The following VDR variants were observed in gnomAD, a reference collection of about 807,000 sequenced individuals.
VDR encodes the protein vitamin D3 receptor.
A neutral mutation model predicts 39.7 loss-of-function variants in VDR; 19 were observed. That is an observed-to-expected ratio of 0.48 (90% CI 0.33 to 0.70). The LOEUF is 0.70. Among genes scored for constraint, VDR ranks in the 30% least tolerant of loss-of-function variants. The pLI is 0.02. For missense variants in VDR, 442 were observed against 570.5 expected, an observed-to-expected ratio of 0.77 and a Z score of 2.29; for synonymous variants, 242 against 215.8, an observed-to-expected ratio of 1.12 and a Z score of -1.07.
chr12:47,848,321 G>A (rs977818276), intron 7 of VDR, among the ~76,000 whole-genome samples: 4 of 151,932 alleles, frequency 2.6e-5, no homozygotes, highest in African/African-American at 9.7e-5. Context: ...GTGAGCCACT[G>A]CACCCAGCCA....
At chr12:47,882,623 G>GGCCCCCCCCCCCCCC in intron 2 of VDR, 71 bp downstream of exon 2, 2 of 543,282 alleles carry the variant, frequency 3.7e-6, no homozygotes, top group Non-Finnish European at 6.5e-6. Flanking sequence ...ACCTTCTTAT[G>GGCCCCCCCCCCCCCC]CCCCTCCCCC....
chr12:47,899,898 T>C, intron 1 of VDR: 1 of 985,248 alleles, frequency 1.0e-6, no homozygotes, highest in Non-Finnish European at 1.2e-6. Context: ...GGGCCTGGCA[T>C]GAGGCTATCA....
At chr12:47,871,096 G>T (rs1250573419) in intron 3 of VDR, among the ~76,000 whole-genome samples, 2 of 151,894 alleles carry the variant, frequency 1.3e-5, no homozygotes, top group African/African-American at 4.8e-5. Flanking sequence ...TTTTTGGAGG[G>T]CAATTGGCAA....
At chr12:47,896,733 A>T (rs2137245097) in intron 1 of VDR, 1 of 152,302 alleles carries the variant, frequency 6.6e-6, no homozygotes, top group South Asian at 2.1e-4. Context: ...GGAGTTCATT[A>T]TAATGGAATT....
chr12:47,875,124 C>T (rs766984455), intron 3 of VDR, among the ~76,000 whole-genome samples: 9 of 152,208 alleles, frequency 5.9e-5, no homozygotes, highest in Non-Finnish European at 1.0e-4. Context: ...GATCATAGAT[C>T]AATAGAACTG....
intron 1 of VDR, among the ~76,000 whole-genome samples, chr12:47,899,267 T>C (rs1853198962): frequency 6.6e-6 from 1 of 152,196 alleles, no homozygotes; most frequent in African/African-American, 2.4e-5. Flanking sequence ...GAGTCTCTTT[T>C]TTCCCCACTG....
intron 4 of VDR, among the ~76,000 whole-genome samples, chr12:47,863,260 C>T (rs1228597088): frequency 6.6e-6 from 1 of 152,172 alleles, no homozygotes; most frequent in African/African-American, 2.4e-5. Context: ...GCTTTCTGAC[C>T]CCAGACCTGA....
rs569608472 is a variant in VDR, at chr12:47,879,220, C to G, written c.-2-105G>C. The G allele has an allele frequency of 5.8e-6, 8 of 1,387,068 alleles. No individual in the cohort carries two copies. The African/African-American group carries it at 1.2e-4, about 20-fold the overall frequency. The allele number at this position is 1,387,068 out of a possible 1,614,324, so 85.9% of individuals were successfully genotyped here. Reference sequence around the variant, plus strand: ...CCAGCCTCATCCCACCGCCCCCACCCCCCACCACCAGGGAGCTCAGCAAGG... The same window carrying G: ...CCAGCCTCATCCCACCGCCCCCACCGCCCACCACCAGGGAGCTCAGCAAGG... On this transcript the variant is annotated intron_variant, in intron 2 of 9. Transcript: ENST00000549336.
chr12:47,845,145 T>C, intron 9 of VDR, 140 bp from the exon 10 acceptor site: 1 of 1,346,428 alleles, frequency 7.4e-7, no homozygotes, highest in East Asian at 2.4e-5. Flanking sequence ...TGACCGGTGA[T>C]ACCACTGCCT....
At position 47,844,958 on chromosome 12, in the gene VDR, G is replaced by A. The variant is rs752733059; in HGVS notation, c.1072C>T (p.Arg358Cys). The A allele has an allele frequency of 9.3e-6, 15 of 1,613,784 alleles. No individual in the cohort carries two copies. The highest frequency in any genetic ancestry group is 1.2e-5 in the Non-Finnish European group (14 of 1,179,966). Residue 358 changes from arginine (R) to cysteine (C), a missense_variant, in exon 10 of 10, where the codon CGC becomes TGC. Around this residue, in one of 5 missense-constraint regions of VDR, gnomAD observed 173 missense variants for 252.0 expected, o/e 0.69. Coordinates refer to ENST00000549336, the MANE Select transcript of VDR (RefSeq NM_000376.3). Reference sequence around the variant, plus strand: ...TACGTCTGCAGTGTGTTGGACAGGCGGTCCTGGATGGCCTCAATCAGCGCG... The same window carrying A: ...TACGTCTGCAGTGTGTTGGACAGGCAGTCCTGGATGGCCTCAATCAGCGCG... ...DAALIEAIQD[R>C]LSNTLQTYIR...
Position 47,857,213 on chromosome 12 carries a change from G to A in VDR, c.499C>T (p.Pro167Ser). 6.2e-7 allele frequency: 1 copy of A among 1,614,166 alleles called. No homozygotes were observed. Among genetic ancestry groups the A allele is most frequent in the South Asian group, 1.1e-5 (1 of 91,074 alleles). Residue 167 changes from proline to serine, a missense_variant, in exon 6 of 10, where the codon CCT becomes TCT. Physicochemically the swap from Pro to Ser is moderately conservative, Grantham distance 74 (BLOSUM62 -1). Transcript: ENST00000549336. The stretch of plus-strand genomic sequence containing the variant: ...GTGTGTCTGGAGTTGGGCCTGGAAG[G>A]ATGGCTCCCTCCACCATCATTCACA... ...VRVNDGGGSH[P>S]SRPNSRHTPS...
intron 3 of VDR, among the ~76,000 whole-genome samples, chr12:47,874,458 C>T (rs74645264): frequency 1.0e-3 from 155 of 152,328 alleles, no homozygotes; most frequent in African/African-American, 3.5e-3. Flanking sequence ...GGGTGACCTT[C>T]CTGAATGCCA....
intron 4 of VDR, among the ~76,000 whole-genome samples, chr12:47,861,600 T>A (rs1268476881): frequency 1.3e-5 from 2 of 152,260 alleles, no homozygotes; most frequent in African/African-American, 4.8e-5. Flanking sequence ...GAAGACACTA[T>A]ATGATATATG....
Position 47,844,021 on chromosome 12 carries a change from C to T in VDR, c.*725G>A, listed in dbSNP as rs1051138045. On this transcript the variant is annotated 3_prime_UTR_variant, in exon 10 of 10. Transcript: ENST00000549336. ...ACAATTCAGTCCTGCTACATGGATCCGTGGAAGGAGGGCTTCCACCTCAAC... is the reference window on the plus strand; with the variant it reads ...ACAATTCAGTCCTGCTACATGGATCTGTGGAAGGAGGGCTTCCACCTCAAC... 6.5e-6 allele frequency: 1 copy of T among 153,470 alleles called. No individual in the cohort carries two copies. The highest frequency in any genetic ancestry group is 2.4e-5 in the African/African-American group (1 of 41,436). 9.5% of individuals were successfully genotyped at this position (153,470 alleles called of 1,614,324 possible).
chr12:47,887,728 C>G (rs1946284542), intron 1 of VDR, among the ~76,000 whole-genome samples: 1 of 152,256 alleles, frequency 6.6e-6, no homozygotes, highest in Non-Finnish European at 1.5e-5. Context: ...GCCACCTCCT[C>G]TGTCTGCCAC....
intron 9 of VDR, 73 bp downstream of exon 9, chr12:47,846,262 C>G: frequency 7.3e-7 from 1 of 1,370,254 alleles, no homozygotes; most frequent in Non-Finnish European, 1.0e-6. Flanking sequence ...GCCCAGCTGG[C>G]CCTCAGCAGG....
At chr12:47,870,968 A>C (rs1945841940) in intron 3 of VDR, among the ~76,000 whole-genome samples, 1 of 152,234 alleles carries the variant, frequency 6.6e-6, no homozygotes, top group Non-Finnish European at 1.5e-5. Flanking sequence ...AAAGACCTAC[A>C]TCAAATGATG....
Position 47,898,756 on chromosome 12 carries a change from A to G in VDR, c.-84+6199T>C, listed in dbSNP as rs193043110. 1.9e-5 allele frequency: 3 copies of G among 155,672 alleles called. No individual in the cohort carries two copies. In the Admixed American group the frequency reaches 2.0e-4, roughly 10 times the overall value. 9.6% of individuals were successfully genotyped at this position (155,672 alleles called of 1,614,324 possible). A position where few individuals can be genotyped will look rare whatever the true frequency, so the allele number is the denominator to read the frequency against. On this transcript the variant is annotated intron_variant, in intron 1 of 9. Coordinates refer to ENST00000549336, the MANE Select transcript of VDR (RefSeq NM_000376.3). ...CAGAAAACTCATATTGACTCAAAGA[A>G]GAGTGCATCACAGAGAACACACAGG...
At chr12:47,852,587 C>T (rs1270482936) in intron 7 of VDR, among the ~76,000 whole-genome samples, 1 of 152,210 alleles carries the variant, frequency 6.6e-6, no homozygotes, top group Non-Finnish European at 1.5e-5. Flanking sequence ...GTAGGAGTGT[C>T]TCAGCACTGT....
Sources: allele counts gnomAD v4.1 joint callset (sites outside exome capture counted in the v4.1 genomes callset), GRCh38; gene constraint gnomAD v4.1.1; regional missense constraint gnomAD v4.1.1; transcripts MANE v1.5; gene names NCBI Gene and HGNC (gene_info 2026-07-23, HGNC 2026-07-21).